Variants in CNTN4 observed in about 807,000 individuals in gnomAD.
CNTN4 encodes the protein contactin 4, also known as contactin-4.
CNTN4 carries 77 observed loss-of-function variants against 122.5 expected under a neutral mutation model. The observed-to-expected ratio is 0.63, with a 90% confidence interval of 0.52 to 0.76. The LOEUF (loss-of-function observed/expected upper bound fraction) is 0.76. Ranked by LOEUF, CNTN4 falls within the 30% of genes least tolerant of loss-of-function variation. CNTN4 has a pLI of 0.00. For missense variants in CNTN4, 1,256 were observed against 1,259.1 expected (o/e 1.00, Z 0.04); for synonymous variants, 512 against 447.0 (o/e 1.15, Z -1.83).
chr3:2,270,973 T>A (rs2041270456), intron 2 of CNTN4, among the ~76,000 whole-genome samples: 1 of 152,204 alleles, frequency 6.6e-6, no homozygotes, highest in Non-Finnish European at 1.5e-5. Flanking sequence ...TGAACATCTC[T>A]GTTTTTCTTT....
chr3:2,616,988 A>T (rs2081776313), intron 4 of CNTN4, among the ~76,000 whole-genome samples: 1 of 152,038 alleles, frequency 6.6e-6, no homozygotes, highest in Non-Finnish European at 1.5e-5. Context: ...ACGAAAATTA[A>T]CTCAAGCGGG....
chr3:2,941,676 C>T (rs941996177), intron 13 of CNTN4, among the ~76,000 whole-genome samples: 6 of 152,286 alleles, frequency 3.9e-5, no homozygotes, highest in South Asian at 2.1e-4. Flanking sequence ...CCCGACGCGT[C>T]GCTCTGCTTC....
chr3:2,606,354 A>AG, intron 4 of CNTN4, among the ~76,000 whole-genome samples: 1 of 152,148 alleles, frequency 6.6e-6, no homozygotes, highest in East Asian at 1.9e-4. Flanking sequence ...GTCGAGGGGG[A>AG]GGGAGAGCAT....
Position 2,560,616 on chromosome 3 carries a change from G to A in CNTN4, c.-88-10800G>A, listed in dbSNP as rs543956157. 2.0e-5 allele frequency among the ~76,000 whole-genome samples: 3 copies of A among 152,274 alleles called. No homozygotes were observed. In the South Asian group the frequency reaches 6.2e-4, roughly 32 times the overall value. ...CCGTTTTATGGACACAAAACTGGAG[G>A]ATCAGAAATAACTTGCCTAAAACAA... On this transcript the variant is annotated intron_variant, in intron 3 of 24. Coordinates refer to ENST00000418658, the MANE Select transcript of CNTN4 (RefSeq NM_175607.3).
chr3:2,353,412 C>A (rs188532013), intron 3 of CNTN4, among the ~76,000 whole-genome samples: 2 of 152,236 alleles, frequency 1.3e-5, no homozygotes, highest in African/African-American at 4.8e-5. Context: ...CGGGTCTGGT[C>A]CCCTTCCACA....
intron 3 of CNTN4, among the ~76,000 whole-genome samples, chr3:2,370,004 C>T (rs1021119446): frequency 6.6e-6 from 1 of 152,162 alleles, no homozygotes; most frequent in Non-Finnish European, 1.5e-5. Flanking sequence ...CCTCTGAACT[C>T]ATTGATAGTG....
Position 2,753,075 on chromosome 3 carries a change from T to A in CNTN4, c.358+7378T>A, listed in dbSNP as rs560653943. ...TTGGCTATTGTCAATAGTGCTGCAATAAATATGAAAGTGCCAATATATCTT... is the reference window on the plus strand; with the variant it reads ...TTGGCTATTGTCAATAGTGCTGCAAAAAATATGAAAGTGCCAATATATCTT... On this transcript the variant is annotated intron_variant, in intron 6 of 24. Transcript: ENST00000418658. 2.6e-5 allele frequency among the ~76,000 whole-genome samples: 4 copies of A among 152,340 alleles called. 1 individual carries two copies. The South Asian group carries it at 8.3e-4, about 32-fold the overall frequency.
intron 3 of CNTN4, among the ~76,000 whole-genome samples, chr3:2,366,882 G>T (rs1194307497): frequency 6.6e-6 from 1 of 151,950 alleles, no homozygotes; most frequent in Non-Finnish European, 1.5e-5. Context: ...ACTTTTAAGA[G>T]CTAAAAGAAT....
At chr3:2,729,775 G>A (rs1361661564) in intron 4 of CNTN4, among the ~76,000 whole-genome samples, 1 of 151,688 alleles carries the variant, frequency 6.6e-6, no homozygotes, top group South Asian at 2.1e-4. Context: ...TTAGCCAGGT[G>A]TGTTGGCACG....
intron 3 of CNTN4, among the ~76,000 whole-genome samples, chr3:2,450,960 C>T (rs1331433332): frequency 6.6e-6 from 1 of 152,204 alleles, no homozygotes; most frequent in Non-Finnish European, 1.5e-5. Flanking sequence ...ATTACAGAGA[C>T]CTTCCTTTCC....
rs143931154 is a variant in CNTN4 at position 2,131,355 on chromosome 3, G to A, written c.-145+30716G>A. 2.3e-3 allele frequency among the ~76,000 whole-genome samples: 351 copies of A among 152,248 alleles called. 3 individuals are homozygous for A. Among genetic ancestry groups the A allele is most frequent in the African/African-American group, 8.0e-3 (331 of 41,546 alleles). The stretch of plus-strand genomic sequence containing the variant: ...ACTCAGTCTTACATCAACATAAAGG[G>A]AATTAATACGAAGGGTATCAGGTGA... On this transcript the variant is annotated intron_variant, in intron 2 of 24. Transcript: ENST00000418658.
At chr3:2,423,436 G>A (rs1429857970) in intron 3 of CNTN4, among the ~76,000 whole-genome samples, 1 of 151,232 alleles carries the variant, frequency 6.6e-6, no homozygotes, top group Non-Finnish European at 1.5e-5. Flanking sequence ...TCTCGATGCT[G>A]CAAGCAGGAA....
At chr3:2,959,257 G>A (rs533176283) in intron 13 of CNTN4, among the ~76,000 whole-genome samples, 1 of 152,238 alleles carries the variant, frequency 6.6e-6, no homozygotes, top group African/African-American at 2.4e-5. Context: ...TTAGCTTCTA[G>A]GGGAAAATAT....
At chr3:2,448,652 A>G (rs1041070031) in intron 3 of CNTN4, among the ~76,000 whole-genome samples, 2 of 152,194 alleles carry the variant, frequency 1.3e-5, no homozygotes, top group Non-Finnish European at 2.9e-5. Context: ...CTCTGAATGG[A>G]TATATTCTGC....
At chr3:2,168,587 AAT>A (rs200937022) in intron 2 of CNTN4, among the ~76,000 whole-genome samples, 2,084 of 152,226 alleles carry the variant, frequency 0.014, 41 homozygotes, top group African/African-American at 0.047. Context: ...ATAAAAAGTG[AAT>A]AGTTATTTAA....
intron 2 of CNTN4, among the ~76,000 whole-genome samples, chr3:2,185,214 T>C (rs900207343): frequency 1.3e-5 from 2 of 152,198 alleles, no homozygotes; most frequent in African/African-American, 4.8e-5. Context: ...AAATGACTCA[T>C]CCATTCTCTG....
At chr3:2,652,211 G>C (rs1170114220) in intron 4 of CNTN4, among the ~76,000 whole-genome samples, 1 of 152,060 alleles carries the variant, frequency 6.6e-6, no homozygotes, top group Non-Finnish European at 1.5e-5. Context: ...AACAGAGCAA[G>C]ACCCTGTCTC....
chr3:2,315,478 A>T (rs2043064648), intron 2 of CNTN4, among the ~76,000 whole-genome samples: 1 of 151,974 alleles, frequency 6.6e-6, no homozygotes, highest in South Asian at 2.1e-4. Context: ...GGATGTTAAC[A>T]GTATTATTTT....
intron 3 of CNTN4, among the ~76,000 whole-genome samples, chr3:2,350,850 A>G (rs892827521): frequency 2.0e-5 from 3 of 152,226 alleles, no homozygotes; most frequent in Non-Finnish European, 4.4e-5. Flanking sequence ...CAGATTATGC[A>G]TGAGTAAGAA....
Sources: allele counts gnomAD v4.1 joint callset (sites outside exome capture counted in the v4.1 genomes callset), GRCh38; gene constraint gnomAD v4.1.1; transcripts MANE v1.5; gene names NCBI Gene and HGNC (gene_info 2026-07-23, HGNC 2026-07-21).